Variants in MYO9B observed in about 807,000 individuals in gnomAD.
MYO9B encodes the protein myosin IXB.
A neutral mutation model predicts 229.5 loss-of-function variants in MYO9B; 71 were observed. The observed-to-expected ratio is 0.31, with a 90% CI of 0.26 to 0.38. The LOEUF is 0.38. Ranked by LOEUF, MYO9B falls within the 10% of genes least tolerant of loss-of-function variation. MYO9B has a pLI of 1.00. For missense variants in MYO9B, 2,255 were observed against 2,920.5 expected (o/e 0.77, Z 5.25); for synonymous variants, 1,185 against 1,235.8 (o/e 0.96, Z 0.86).
At chr19:17,202,475 G>A (rs1283555695) in intron 28 of MYO9B, among the ~76,000 whole-genome samples, 172 bp downstream of exon 28, 1 of 150,802 alleles carries the variant, frequency 6.6e-6, no homozygotes, top group Admixed American at 6.6e-5. Context: ...ATGCTTACCT[G>A]TGCCTCACCA....
intron 8 of MYO9B, among the ~76,000 whole-genome samples, chr19:17,161,932 G>A (rs2072607094): frequency 6.6e-6 from 1 of 151,234 alleles, no homozygotes; most frequent in African/African-American, 2.4e-5. Flanking sequence ...AGTTTGCAGT[G>A]AGCCAAGATT....
At chr19:17,136,714 A>G (rs759270504) in intron 2 of MYO9B, among the ~76,000 whole-genome samples, 16 of 152,054 alleles carry the variant, frequency 1.1e-4, no homozygotes, top group South Asian at 2.1e-4. Context: ...AGGAAAGTCA[A>G]CTTCACCAGC....
At chr19:17,151,790 C>T (rs1048082549) in intron 3 of MYO9B, among the ~76,000 whole-genome samples, 2 of 152,102 alleles carry the variant, frequency 1.3e-5, no homozygotes, top group Non-Finnish European at 2.9e-5. Context: ...CCCAGCCACT[C>T]GGGAGGTTGA....
In MYO9B at chr19:17,205,983, C is replaced by T; in HGVS notation, c.5088C>T (p.Gly1696=). 1 of 1,576,590 alleles carries T rather than the reference C, an allele frequency of 6.3e-7. No homozygotes were observed. Among genetic ancestry groups the T allele is most frequent in the Non-Finnish European group, 8.6e-7 (1 of 1,159,524 alleles). ...AGGGCGAGCCAGGCGTTGAGCCTGGCCACTTCGGCGTGTGCGTAGACAGCC... is the reference window on the plus strand; with the variant it reads ...AGGGCGAGCCAGGCGTTGAGCCTGGTCACTTCGGCGTGTGCGTAGACAGCC... The part of the protein sequence containing the change: ...GRKGEPGVEP[G]HFGVCVDSLT... The change falls in exon 32 of 40, where the codon GGC becomes GGT. Residue 1696 remains glycine (G), a synonymous_variant. Transcript: ENST00000682292.
At chr19:17,117,287 A>C (rs1200203622) in intron 2 of MYO9B, among the ~76,000 whole-genome samples, 1 of 152,218 alleles carries the variant, frequency 6.6e-6, no homozygotes. Flanking sequence ...CGATTTCTGC[A>C]GGCCTCGCCC....
In MYO9B at chr19:17,192,851, C is replaced by T. The variant is rs758001738; in HGVS notation, c.2917C>T (p.Arg973Cys). 6.4e-6 allele frequency: 10 copies of T among 1,551,782 alleles called. No homozygotes were observed. Among genetic ancestry groups the T allele is most frequent in the South Asian group, 2.4e-5 (2 of 84,116 alleles). ...LQSWFRMVLE[R>C]RHFLQMKRAA... ...GAGCTGGTTCCGGATGGTGCTGGAG[C>T]GTCGGCACTTCCTGCAGATGAAGCG... Residue 973 changes from arginine (R) to cysteine (C), a missense_variant, in exon 21 of 40, where the codon CGT becomes TGT. Physicochemically the swap from Arg to Cys is radical, Grantham distance 180. Transcript: ENST00000682292.
chr19:17,125,375 A>C (rs1394514720), intron 2 of MYO9B, among the ~76,000 whole-genome samples: 1 of 142,378 alleles, frequency 7.0e-6, no homozygotes, highest in Non-Finnish European at 1.5e-5. Context: ...CACAGCCTTG[A>C]GAACCAAACA....
chr19:17,175,524 G>A (rs1416562286), intron 13 of MYO9B, 139 bp from the exon 14 acceptor site: 12 of 577,130 alleles, frequency 2.1e-5, no homozygotes, highest in African/African-American at 9.9e-5. Context: ...AGTTGCAGTG[G>A]GCCGAGATCG....
chr19:17,127,426 A>C (rs1359384028), intron 2 of MYO9B, among the ~76,000 whole-genome samples: 1 of 150,846 alleles, frequency 6.6e-6, no homozygotes, highest in Admixed American at 6.6e-5. Context: ...TCCCAGGTTC[A>C]AGCGATTCTC....
At chr19:17,093,895 A>ATTTATTTATTTATTTC in intron 1 of MYO9B, among the ~76,000 whole-genome samples, 1 of 150,716 alleles carries the variant, frequency 6.6e-6, no homozygotes, top group Non-Finnish European at 1.5e-5. Flanking sequence ...TTATTTATTT[A>ATTTATTTATTTATTTC]CTTTGTAGAG....
In MYO9B at chr19:17,102,423, G is replaced by A. The variant is rs752912926; in HGVS notation, c.706G>A (p.Val236Met). 1.7e-5 allele frequency: 28 copies of A among 1,613,854 alleles called. No individual in the cohort carries two copies. The highest frequency in any genetic ancestry group is 4.5e-5 in the East Asian group (2 of 44,884). Residue 236 changes from valine to methionine, a missense_variant, in exon 2 of 40, where the codon GTG becomes ATG. Val to Met is a conservative substitution (Grantham distance 21). This residue lies in a region of MYO9B where 386 missense variants were observed against 515.2 expected (regional missense o/e 0.75). Coordinates refer to ENST00000682292, the MANE Select transcript of MYO9B (RefSeq NM_004145.4). ...MLRKRVNQCIVISGESGSGKT... is the reference protein window; with the variant it reads ...MLRKRVNQCIMISGESGSGKT... The stretch of plus-strand genomic sequence containing the variant: ...CAGGAAGCGCGTGAACCAGTGCATC[G>A]TGATCTCGGGTGAGAGCGGCTCCGG...
intron 2 of MYO9B, among the ~76,000 whole-genome samples, chr19:17,125,792 C>G (rs894267093): frequency 2.0e-5 from 3 of 152,168 alleles, no homozygotes; most frequent in Non-Finnish European, 4.4e-5. Flanking sequence ...CGGGGTGCCC[C>G]AAACCCCTTG....
chr19:17,111,774 A>G (rs1077795), intron 2 of MYO9B, among the ~76,000 whole-genome samples: 32,767 of 151,956 alleles, frequency 0.22, 3,818 homozygotes, highest in Non-Finnish European at 0.27. Flanking sequence ...CCCCATCAGC[A>G]TTCACTCCCC....
At chr19:17,181,142 C>G (rs1227332384) in intron 15 of MYO9B, 102 bp downstream of exon 15, 12 of 747,788 alleles carry the variant, frequency 1.6e-5, no homozygotes, top group Non-Finnish European at 2.6e-5. Flanking sequence ...GCATCGGCCA[C>G]TAAAACCACA....
intron 33 of MYO9B, 39 bp from the exon 34 acceptor site, chr19:17,206,640 C>A (rs2073165413): frequency 1.3e-6 from 2 of 1,520,352 alleles, no homozygotes; most frequent in African/African-American, 1.4e-5. Context: ...ACCTTGGGGA[C>A]CCTTGGGAGC....
In MYO9B at chr19:17,101,303, G is replaced by A. The variant is rs1356361693; in HGVS notation, c.-58-357G>A. Among the ~76,000 whole-genome samples the A allele has an allele frequency of 6.6e-6, 1 of 151,892 alleles. No individual in the cohort carries two copies. Among genetic ancestry groups the A allele is most frequent in the African/African-American group, 2.4e-5 (1 of 41,336 alleles). ...AGTGATCCTCCCATCTCAGCCTCCT[G>A]AGGAGCTGGGACCACAGGCGAGCAC... On this transcript the variant is annotated intron_variant, in intron 1 of 39. Coordinates refer to ENST00000682292, the MANE Select transcript of MYO9B (RefSeq NM_004145.4). This position sits in a 1 kb window ranked among gnomAD's most constrained non-coding sequence, Gnocchi z 4.7.
intron 32 of MYO9B, 23 bp from the exon 33 acceptor site, chr19:17,206,225 G>GGGGGCCCCCCCC: frequency 1.2e-5 from 18 of 1,564,654 alleles, no homozygotes; most frequent in South Asian, 2.3e-5. Context: ...CCGCTCACCA[G>GGGGGCCCCCCCC]ACCCACCCCA....
Position 17,193,189 on chromosome 19 carries a change from A to T in MYO9B, c.3128+127A>T. ...GGGATGTCATTCTGGACACAGGGAA[A>T]GGCTGGTGGGAAACCAGATGCCTAG... On this transcript the variant is annotated intron_variant, in intron 21 of 39. Coordinates refer to ENST00000682292, the MANE Select transcript of MYO9B (RefSeq NM_004145.4). The surrounding 1 kb of genome is among the most constrained non-coding windows in gnomAD (Gnocchi z 4.3). The T allele has an allele frequency of 8.8e-7, 1 of 1,130,644 alleles. No individual in the cohort carries two copies. The highest frequency in any genetic ancestry group is 1.9e-5 in the South Asian group (1 of 51,682). 70.0% of individuals were successfully genotyped at this position (1,130,644 alleles called of 1,614,324 possible). A position where few individuals can be genotyped will look rare whatever the true frequency, so the allele number is the denominator to read the frequency against.
intron 28 of MYO9B, 125 bp from the exon 29 acceptor site, chr19:17,202,717 A>C (rs1192768219): frequency 1.0e-6 from 1 of 972,158 alleles, no homozygotes; most frequent in African/African-American, 1.6e-5. Context: ...CGTTAGGGAC[A>C]ATGATGCCAC....
Sources: gnomAD v4.1 joint callset for allele counts (sites outside exome capture counted in the v4.1 genomes callset) on GRCh38, gnomAD v4.1.1 for gene constraint, gnomAD v4.1.1 regional missense constraint, Gnocchi (gnomAD v3.1) non-coding constraint, MANE v1.5 for transcripts, NCBI Gene and HGNC (gene_info 2026-07-23, HGNC 2026-07-21) for gene names.